The following MYT1L variants were observed in gnomAD, a reference collection of about 807,000 sequenced individuals.
MYT1L encodes myelin transcription factor 1 like, also known as myelin transcription factor 1-like protein.
MYT1L carries 12 observed loss-of-function variants against 126.7 expected under a neutral mutation model. The observed-to-expected ratio is 0.09, with a 90% confidence interval of 0.06 to 0.15. The LOEUF (loss-of-function observed/expected upper bound fraction) is 0.15. Among genes scored for constraint, MYT1L ranks in the 10% least tolerant of loss-of-function variants. MYT1L has a pLI of 1.00. For missense variants in MYT1L, 979 were observed against 1,585.2 expected (o/e 0.62, Z 6.49); for synonymous variants, 541 against 604.2 (o/e 0.90, Z 1.53).
intron 3 of MYT1L, among the ~76,000 whole-genome samples, chr2:2,096,492 C>G (rs747063471): frequency 3.9e-5 from 6 of 152,168 alleles, no homozygotes; most frequent in Non-Finnish European, 7.3e-5. Context: ...CTCCCGTATC[C>G]AAGTCAACTC....
chr2:1,898,697 G>A (rs995935861), intron 14 of MYT1L, among the ~76,000 whole-genome samples: 1 of 152,230 alleles, frequency 6.6e-6, no homozygotes, highest in Non-Finnish European at 1.5e-5. Context: ...CTCCATGGAC[G>A]CAGGCAGCTG....
intron 3 of MYT1L, among the ~76,000 whole-genome samples, chr2:2,103,487 C>T (rs893626515): frequency 6.6e-6 from 1 of 152,214 alleles, no homozygotes; most frequent in Non-Finnish European, 1.5e-5. Flanking sequence ...AGAATGGAGG[C>T]GGCCATTCAA....
intron 13 of MYT1L, among the ~76,000 whole-genome samples, chr2:1,905,375 G>C (rs2050914849): frequency 6.7e-6 from 1 of 149,702 alleles, no homozygotes; most frequent in African/African-American, 2.5e-5. Context: ...TTTTTTTTAA[G>C]ACGGAATTTT....
intron 10 of MYT1L, among the ~76,000 whole-genome samples, chr2:1,921,597 G>A (rs536437077): frequency 8.1e-4 from 123 of 152,250 alleles, no homozygotes; most frequent in Non-Finnish European, 1.6e-3. Context: ...CGCCATAACT[G>A]TTTCCACAAT....
intron 8 of MYT1L, among the ~76,000 whole-genome samples, chr2:1,958,745 G>A (rs978048073): frequency 2.0e-5 from 3 of 151,744 alleles, no homozygotes; most frequent in Non-Finnish European, 2.9e-5. Context: ...AGGATTCTCC[G>A]GCCCACCCAA....
At chr2:2,193,614 C>T (rs2092686274) in intron 2 of MYT1L, among the ~76,000 whole-genome samples, 1 of 152,200 alleles carries the variant, frequency 6.6e-6, no homozygotes, top group Non-Finnish European at 1.5e-5. Flanking sequence ...ATAATCTCAT[C>T]TTTGGTATGC....
chr2:2,100,514 C>A (rs557124911), intron 3 of MYT1L, among the ~76,000 whole-genome samples: 1 of 152,228 alleles, frequency 6.6e-6, no homozygotes, highest in East Asian at 1.9e-4. Context: ...TTCTTGGGAA[C>A]CTAGTCCTTG....
intron 2 of MYT1L, among the ~76,000 whole-genome samples, chr2:2,276,026 GT>G (rs1215636290): frequency 2.6e-5 from 4 of 152,022 alleles, no homozygotes; most frequent in Non-Finnish European, 4.4e-5. Flanking sequence ...ATGGAGTTGT[GT>G]TTTTTTATTC....
chr2:2,142,109 CTCAT>C (rs2084071799), intron 3 of MYT1L, among the ~76,000 whole-genome samples: 1 of 152,130 alleles, frequency 6.6e-6, no homozygotes, highest in Non-Finnish European at 1.5e-5. Flanking sequence ...CATGCTTTCT[CTCAT>C]ATGACACAAA....
At chr2:2,098,783 G>T (rs1168220818) in intron 3 of MYT1L, among the ~76,000 whole-genome samples, 3 of 152,244 alleles carry the variant, frequency 2.0e-5, no homozygotes, top group Non-Finnish European at 4.4e-5. Flanking sequence ...AGAAGCAGCA[G>T]CCAGCAGAGA....
intron 3 of MYT1L, among the ~76,000 whole-genome samples, chr2:2,156,302 T>C (rs1575540179): frequency 6.6e-6 from 1 of 152,168 alleles, no homozygotes; most frequent in Non-Finnish European, 1.5e-5. Context: ...AGTTCCAACC[T>C]GAAGGCAAGG....
At chr2:2,212,626 G>T (rs1375219010) in intron 2 of MYT1L, among the ~76,000 whole-genome samples, 1 of 152,092 alleles carries the variant, frequency 6.6e-6, no homozygotes, top group African/African-American at 2.4e-5. Flanking sequence ...ATTGTTTCAT[G>T]ACTAAATTAG....
At chr2:1,988,120 G>A (rs1047893574) in intron 5 of MYT1L, among the ~76,000 whole-genome samples, 9 of 152,048 alleles carry the variant, frequency 5.9e-5, no homozygotes, top group Admixed American at 5.9e-4. Flanking sequence ...CCTCCCGCCA[G>A]CCCAGCTGCA....
rs2051851764 is a variant in MYT1L at position 1,910,781 on chromosome 2, C to T, written c.1710-434G>A. Among the ~76,000 whole-genome samples the T allele has an allele frequency of 6.6e-6, 1 of 152,128 alleles. No individual in the cohort carries two copies. The highest frequency in any genetic ancestry group is 2.1e-4 in the South Asian group (1 of 4,828). On this transcript the variant is annotated intron_variant, in intron 12 of 24. Coordinates refer to ENST00000647738, the MANE Select transcript of MYT1L (RefSeq NM_001303052.2). This position sits in a 1 kb window ranked among gnomAD's most constrained non-coding sequence, Gnocchi z 4.8. ...GAGCTCCAAGCTGATTTCCTAAATG[C>T]TATTGACTGTGGCGTCTGGGGGGCC...
chr2:2,056,184 C>G (rs1423098113), intron 3 of MYT1L, among the ~76,000 whole-genome samples: 2 of 152,160 alleles, frequency 1.3e-5, no homozygotes, highest in Non-Finnish European at 2.9e-5. Context: ...CCAGGTGAAA[C>G]AGCAAAGCAC....
At chr2:2,029,354 A>G (rs1248726617) in intron 4 of MYT1L, among the ~76,000 whole-genome samples, 3 of 152,212 alleles carry the variant, frequency 2.0e-5, no homozygotes, top group Non-Finnish European at 2.9e-5. Context: ...ATGGCTGGGG[A>G]GGCCTCACAA....
intron 8 of MYT1L, among the ~76,000 whole-genome samples, chr2:1,977,027 T>A: frequency 6.6e-6 from 1 of 152,252 alleles, no homozygotes; most frequent in East Asian, 1.9e-4. Context: ...CTTTTTCAAC[T>A]ATACCACATT....
chr2:1,938,063 G>C (rs1440273392), intron 9 of MYT1L, among the ~76,000 whole-genome samples: 1 of 152,206 alleles, frequency 6.6e-6, no homozygotes, highest in Non-Finnish European at 1.5e-5. Flanking sequence ...AGCATTTAAA[G>C]CAACATCTAT....
At chr2:1,931,903 C>T (rs531746179) in intron 9 of MYT1L, among the ~76,000 whole-genome samples, 96 of 152,302 alleles carry the variant, frequency 6.3e-4, no homozygotes, top group African/African-American at 2.2e-3. Flanking sequence ...CCTGTCCACG[C>T]CCTCAGTGCA....
Sources: allele counts gnomAD v4.1 joint callset (sites outside exome capture counted in the v4.1 genomes callset), GRCh38; gene constraint gnomAD v4.1.1; non-coding constraint Gnocchi (gnomAD v3.1); transcripts MANE v1.5; gene names NCBI Gene and HGNC (gene_info 2026-07-23, HGNC 2026-07-21).